The following CCDC171 variants were observed in gnomAD, a reference collection of about 807,000 sequenced individuals.
CCDC171 encodes the protein coiled-coil domain containing 171, also known as coiled-coil domain-containing protein 171.
CCDC171 carries 177 observed loss-of-function variants against 168.2 expected under a neutral mutation model. The observed-to-expected ratio is 1.05, with a 90% CI of 0.93 to 1.19. The LOEUF (loss-of-function observed/expected upper bound fraction) is 1.19, where lower values mean the gene tolerates loss of function less well. CCDC171 is among the 50% of genes most tolerant of loss of function. CCDC171 has a pLI of 0.00. For missense variants in CCDC171, 1,991 were observed against 1,539.0 expected, an observed-to-expected ratio of 1.29 and a Z score of -4.91; for synonymous variants, 687 against 540.8, an observed-to-expected ratio of 1.27 and a Z score of -3.75.
rs2057482661 is a variant in CCDC171 at position 15,778,647 on chromosome 9, A to AAAAAAAAAG, written c.2899-313_2899-312insGAAAAAAAA. Reference sequence around the variant, plus strand: ...GCCTACAGAGTAAGACTGTCTCAAAAAAAAAAAAAAAAAAAAAAGGCATGA... The same window carrying AAAAAAAAAG: ...GCCTACAGAGTAAGACTGTCTCAAAAAAAAAAAAGAAAAAAAAAAAAAAAAAAGGCATGA... On this transcript the variant is annotated intron_variant, in intron 19 of 25. Transcript: ENST00000380701. Among the ~76,000 whole-genome samples, 3 of 149,270 alleles carry AAAAAAAAAG rather than the reference A, an allele frequency of 2.0e-5. No individual in the cohort carries two copies. The South Asian group carries it at 6.4e-4, about 32-fold the overall frequency.
intron 24 of CCDC171, among the ~76,000 whole-genome samples, chr9:15,910,477 T>A (rs940021452): frequency 6.6e-6 from 1 of 152,168 alleles, no homozygotes; most frequent in Non-Finnish European, 1.5e-5. Flanking sequence ...AGCCTTGTAG[T>A]ATAATTTGAA....
chr9:15,766,742 A>C (rs2056743079), intron 18 of CCDC171, among the ~76,000 whole-genome samples: 1 of 151,820 alleles, frequency 6.6e-6, no homozygotes, highest in African/African-American at 2.4e-5. Flanking sequence ...TGCAGCTTCA[A>C]ATTTCTGGGC....
chr9:16,082,921 C>G, the CCDC171 span, among the ~76,000 whole-genome samples: 1 of 152,200 alleles, frequency 6.6e-6, no homozygotes, highest in Non-Finnish European at 1.5e-5. Context: ...CCACTCCAAC[C>G]TTATACTCAC....
rs563926826 is a variant in CCDC171 at position 15,749,013 on chromosome 9, C to T, written c.2671+3382C>T. ...GGCTAAAGGCTCCAGTTGAAAGATT[C>T]AGACTGGTAAATTGGATAAAGAGTC... is the stretch of plus-strand genomic sequence containing the variant. On this transcript the variant is annotated intron_variant, in intron 18 of 25. Transcript: ENST00000380701. Among the ~76,000 whole-genome samples, 4 of 152,192 alleles carry T rather than the reference C, an allele frequency of 2.6e-5. No individual in the cohort carries two copies. In the East Asian group the frequency reaches 7.7e-4, roughly 29 times the overall value.
chr9:15,633,910 A>G (rs2045973623), intron 7 of CCDC171, among the ~76,000 whole-genome samples: 2 of 152,184 alleles, frequency 1.3e-5, no homozygotes, highest in East Asian at 3.8e-4. Context: ...CATTCTCAGT[A>G]AACTATCGCA....
chr9:15,791,882 A>G (rs2058287508), intron 21 of CCDC171, among the ~76,000 whole-genome samples: 2 of 152,214 alleles, frequency 1.3e-5, no homozygotes, highest in African/African-American at 4.8e-5. Flanking sequence ...GAAAAAACAG[A>G]GCAGAAAAGC....
chr9:15,590,728 TATCAC>T (rs1193167737), intron 4 of CCDC171, among the ~76,000 whole-genome samples: 1 of 152,160 alleles, frequency 6.6e-6, no homozygotes, highest in Admixed American at 6.5e-5. Context: ...TTGCCCTATA[TATCAC>T]AGTCTTAAAA....
At chr9:15,605,183 C>T (rs2043130849) in intron 6 of CCDC171, among the ~76,000 whole-genome samples, 1 of 152,056 alleles carries the variant, frequency 6.6e-6, no homozygotes, top group Non-Finnish European at 1.5e-5. Context: ...AGGAGTGAGC[C>T]ACCACACCTG....
intron 7 of CCDC171, among the ~76,000 whole-genome samples, chr9:15,654,760 A>G (rs568731783): frequency 6.6e-6 from 1 of 152,282 alleles, no homozygotes; most frequent in South Asian, 2.1e-4. Flanking sequence ...TTTCCAACTC[A>G]GGTACTGGGT....
intron 3 of CCDC171, among the ~76,000 whole-genome samples, chr9:15,983,155 G>C (rs922594636): frequency 2.0e-5 from 3 of 151,978 alleles, no homozygotes; most frequent in African/African-American, 4.8e-5. Flanking sequence ...TTCTTCTCCA[G>C]ATCTTTTCAG....
At chr9:15,745,399 A>G in intron 17 of CCDC171, 116 bp from the exon 18 acceptor site, 1 of 501,728 alleles carries the variant, frequency 2.0e-6, no homozygotes, top group Admixed American at 3.4e-5. Context: ...ACATTAGGCA[A>G]TGTTCACAAT....
intron 6 of CCDC171, among the ~76,000 whole-genome samples, chr9:16,033,613 T>C (rs1207253967): frequency 6.6e-6 from 1 of 152,192 alleles, no homozygotes; most frequent in African/African-American, 2.4e-5. Flanking sequence ...CATTATATAT[T>C]ACAATGTAAC....
chr9:16,042,436 A>C (rs937347682), upstream of CCDC171, among the ~76,000 whole-genome samples: 8 of 152,350 alleles, frequency 5.3e-5, no homozygotes, highest in African/African-American at 1.9e-4. Context: ...GCTTCAGGAA[A>C]GACTCAATGA....
At chr9:15,636,912 C>G (rs967202668) in intron 7 of CCDC171, among the ~76,000 whole-genome samples, 1 of 151,828 alleles carries the variant, frequency 6.6e-6, no homozygotes, top group Non-Finnish European at 1.5e-5. Context: ...TATGTAATAA[C>G]GAATTTTTTT....
At chr9:15,645,964 A>G (rs1037749971) in intron 7 of CCDC171, among the ~76,000 whole-genome samples, 12 of 152,214 alleles carry the variant, frequency 7.9e-5, no homozygotes, top group Non-Finnish European at 1.5e-4. Context: ...CCAAAGTTGA[A>G]ATGAAGATAA....
intron 23 of CCDC171, among the ~76,000 whole-genome samples, chr9:15,863,066 T>C (rs967445513): frequency 6.6e-6 from 1 of 151,912 alleles, no homozygotes; most frequent in Non-Finnish European, 1.5e-5. Flanking sequence ...ACCACCCTTT[T>C]TCTCTGTGGA....
At chr9:15,726,113 A>G (rs1249400474) in intron 14 of CCDC171, among the ~76,000 whole-genome samples, 1 of 152,192 alleles carries the variant, frequency 6.6e-6, no homozygotes, top group African/African-American at 2.4e-5. Flanking sequence ...GTAAAAAGGA[A>G]ACATTCTTTC....
intron 18 of CCDC171, among the ~76,000 whole-genome samples, chr9:15,767,580 T>C (rs182070495): frequency 1.3e-5 from 2 of 152,022 alleles, no homozygotes; most frequent in Non-Finnish European, 2.9e-5. Context: ...TGGACATCTT[T>C]AGCGAGGTCA....
At position 15,611,851 on chromosome 9, in the gene CCDC171, C is replaced by G. The variant is rs545724650; in HGVS notation, c.676-11416C>G. 1.7e-3 allele frequency among the ~76,000 whole-genome samples: 266 copies of G among 152,242 alleles called. 1 individual carries two copies. The highest frequency in any genetic ancestry group is 0.014 in the Middle Eastern group (4 of 294). ...TCAAGGTTAGCTGTTTTGCTAGGGTCTGGATGTTTGTGTCCCTCCTAAATT... is the reference window on the plus strand; with the variant it reads ...TCAAGGTTAGCTGTTTTGCTAGGGTGTGGATGTTTGTGTCCCTCCTAAATT... On this transcript the variant is annotated intron_variant, in intron 6 of 25. Transcript: ENST00000380701.
Sources: allele counts gnomAD v4.1 joint callset (sites outside exome capture counted in the v4.1 genomes callset), GRCh38; gene constraint gnomAD v4.1.1; transcripts MANE v1.5; gene names NCBI Gene and HGNC (gene_info 2026-07-23, HGNC 2026-07-21).